Variants in GABRB1 observed in about 807,000 individuals in gnomAD.
GABRB1 encodes the protein gamma-aminobutyric acid type A receptor subunit beta1, also known as gamma-aminobutyric acid receptor subunit beta-1.
GABRB1 carries 17 observed loss-of-function variants against 51.6 expected under a neutral mutation model. The observed-to-expected ratio is 0.33, with a 90% CI of 0.23 to 0.49. The LOEUF (loss-of-function observed/expected upper bound fraction) is 0.49, where lower values mean the gene tolerates loss of function less well. GABRB1 is among the 20% of genes least tolerant of loss of function. The pLI is 0.99. For synonymous variants in GABRB1, 247 were observed against 218.9 expected (o/e 1.13, Z -1.14); for missense variants, 410 against 600.6 (o/e 0.68, Z 3.32).
intron 5 of GABRB1, among the ~76,000 whole-genome samples, chr4:47,344,167 T>C (rs6820498): frequency 0.38 from 57,064 of 151,962 alleles, 10,847 homozygotes; most frequent in South Asian, 0.47. Context: ...CTGGATATGA[T>C]ATGTCAAAGA....
intron 3 of GABRB1, among the ~76,000 whole-genome samples, chr4:47,148,116 T>G (rs1717259633): frequency 6.6e-6 from 1 of 151,986 alleles, no homozygotes; most frequent in East Asian, 1.9e-4. Flanking sequence ...AACTAGATAG[T>G]AGCAAGTATA....
chr4:47,129,595 G>A (rs138015123), intron 3 of GABRB1, among the ~76,000 whole-genome samples: 3 of 152,244 alleles, frequency 2.0e-5, no homozygotes, highest in African/African-American at 7.2e-5. Flanking sequence ...AATTATATGA[G>A]CAATTGTAAA....
chr4:47,188,457 T>A lies in GABRB1; in HGVS notation c.461+26988T>A, dbSNP rs182886296. ...TCTAATTGACCTTCAAAAGGGAATA[T>A]TGTATTTTGGATGCCAAGGTAAATA... is the stretch of plus-strand genomic sequence containing the variant. On this transcript the variant is annotated intron_variant, in intron 4 of 8. Coordinates refer to ENST00000295454, the MANE Select transcript of GABRB1 (RefSeq NM_000812.4). Among the ~76,000 whole-genome samples, 436 of 152,058 alleles carry A rather than the reference T, an allele frequency of 2.9e-3. 3 individuals are homozygous for A. The highest frequency in any genetic ancestry group is 9.4e-3 in the African/African-American group (392 of 41,528).
At chr4:47,188,858 A>G (rs1487420821) in intron 4 of GABRB1, among the ~76,000 whole-genome samples, 1 of 152,030 alleles carries the variant, frequency 6.6e-6, no homozygotes, top group African/African-American at 2.4e-5. Context: ...TTTGGGCATT[A>G]CAATAAATGT....
chr4:47,077,949 TTATATATTTTA>T (rs1365581125), intron 3 of GABRB1, among the ~76,000 whole-genome samples: 1 of 96,194 alleles, frequency 1.0e-5, no homozygotes, highest in Non-Finnish European at 2.1e-5. Flanking sequence ...TTTATATATA[TTATATATTTTA>T]TATATATATT....
chr4:47,141,338 A>G (rs1474482008), intron 3 of GABRB1, among the ~76,000 whole-genome samples: 1 of 151,896 alleles, frequency 6.6e-6, no homozygotes, highest in Non-Finnish European at 1.5e-5. Flanking sequence ...GCACATGCCC[A>G]AGCTCTCAAG....
intron 3 of GABRB1, among the ~76,000 whole-genome samples, chr4:47,035,428 A>G (rs929168672): frequency 6.6e-6 from 1 of 152,210 alleles, no homozygotes; most frequent in Non-Finnish European, 1.5e-5. Flanking sequence ...GTAGATAAAC[A>G]TATCTACTTG....
At chr4:47,016,461 GAAT>G (rs1242885372) in intron 1 of GABRB1, among the ~76,000 whole-genome samples, 4 of 152,084 alleles carry the variant, frequency 2.6e-5, no homozygotes, top group African/African-American at 9.7e-5. Context: ...ACACTTTAGT[GAAT>G]CATAGAATTG....
chr4:47,207,636 T>C (rs1720189643), intron 4 of GABRB1, among the ~76,000 whole-genome samples: 1 of 151,908 alleles, frequency 6.6e-6, no homozygotes. Context: ...GTTTTGATCT[T>C]GTGATGTCAA....
At chr4:47,206,760 A>G (rs1033715548) in intron 4 of GABRB1, among the ~76,000 whole-genome samples, 13 of 151,876 alleles carry the variant, frequency 8.6e-5, no homozygotes, top group African/African-American at 3.1e-4. Flanking sequence ...ACATATAAAC[A>G]CAGAATCAAA....
intron 5 of GABRB1, among the ~76,000 whole-genome samples, chr4:47,337,078 C>T (rs998072148): frequency 3.9e-5 from 6 of 152,220 alleles, no homozygotes; most frequent in Admixed American, 1.3e-4. Flanking sequence ...CAGATGACAA[C>T]AGCAGTAAGA....
At position 47,344,242 on chromosome 4, in the gene GABRB1, G is replaced by A. The variant is rs541410331; in HGVS notation, c.544+24033G>A. The stretch of plus-strand genomic sequence containing the variant: ...TGGCTAATGGAGAAATTGATGGTTG[G>A]GTTCACAATACTGTGTACTTCAAAA... On this transcript the variant is annotated intron_variant, in intron 5 of 8. Coordinates refer to ENST00000295454, the MANE Select transcript of GABRB1 (RefSeq NM_000812.4). Among the ~76,000 whole-genome samples, 3 of 152,172 alleles carry A rather than the reference G, an allele frequency of 2.0e-5. No homozygotes were observed. In the East Asian group the frequency reaches 5.8e-4, roughly 29 times the overall value.
At chr4:47,111,416 CTATATA>C (rs1715204552) in intron 3 of GABRB1, among the ~76,000 whole-genome samples, 1 of 150,612 alleles carries the variant, frequency 6.6e-6, no homozygotes, top group Non-Finnish European at 1.5e-5. Flanking sequence ...ATATCTATAT[CTATATA>C]TATGAATTTA....
intron 1 of GABRB1, among the ~76,000 whole-genome samples, chr4:47,003,371 A>C (rs1177796605): frequency 6.6e-6 from 1 of 152,162 alleles, no homozygotes; most frequent in African/African-American, 2.4e-5. Flanking sequence ...GAGTTTCTCG[A>C]GGATGGGGAT....
intron 5 of GABRB1, among the ~76,000 whole-genome samples, chr4:47,367,736 G>A (rs1486368814): frequency 6.6e-6 from 1 of 152,118 alleles, no homozygotes; most frequent in East Asian, 1.9e-4. Context: ...CAGATTGCTA[G>A]AACAAATAAA....
intron 4 of GABRB1, among the ~76,000 whole-genome samples, chr4:47,276,876 T>C (rs1231831255): frequency 6.6e-6 from 1 of 151,942 alleles, no homozygotes; most frequent in African/African-American, 2.4e-5. Context: ...TCTACAGATA[T>C]TACCAAGGGT....
intron 3 of GABRB1, among the ~76,000 whole-genome samples, chr4:47,073,540 A>G (rs13108870): frequency 0.23 from 34,417 of 152,138 alleles, 4,956 homozygotes; most frequent in Middle Eastern, 0.33. Flanking sequence ...AGAGAAAGTC[A>G]CACAAGTAAA....
At chr4:47,010,983 CAG>C (rs1345112689) in intron 1 of GABRB1, among the ~76,000 whole-genome samples, 1 of 151,888 alleles carries the variant, frequency 6.6e-6, no homozygotes, top group Admixed American at 6.6e-5. Flanking sequence ...TTGCCACTGA[CAG>C]AGAGTCCTTC....
chr4:47,178,389 T>TTGA (rs1242744052), intron 4 of GABRB1, among the ~76,000 whole-genome samples: 1 of 152,126 alleles, frequency 6.6e-6, no homozygotes, highest in Non-Finnish European at 1.5e-5. Flanking sequence ...TGCATTACCT[T>TTGA]TGATGATATC....
Sources: gnomAD v4.1 joint callset for allele counts (sites outside exome capture counted in the v4.1 genomes callset) on GRCh38, gnomAD v4.1.1 for gene constraint, MANE v1.5 for transcripts, NCBI Gene and HGNC (gene_info 2026-07-23, HGNC 2026-07-21) for gene names.